ATP11B: variants seen among roughly 807,000 people sequenced by gnomAD.
The protein encoded by ATP11B is phospholipid-transporting ATPase IF.
Under a neutral mutation model 157.8 loss-of-function variants are expected in ATP11B, and 81 were observed. That is an observed-to-expected ratio of 0.51 (90% CI 0.43 to 0.62). The LOEUF (loss-of-function observed/expected upper bound fraction) is 0.62. Among genes scored for constraint, ATP11B ranks in the 20% least tolerant of loss-of-function variants. The pLI is 0.00. For missense variants in ATP11B, 1,165 were observed against 1,402.2 expected (o/e 0.83, Z 2.70); for synonymous variants, 451 against 469.4 (o/e 0.96, Z 0.51).
intron 1 of ATP11B, among the ~76,000 whole-genome samples, chr3:182,819,224 A>T (rs1324422604): frequency 6.6e-6 from 1 of 151,230 alleles, no homozygotes; most frequent in African/African-American, 2.4e-5. Flanking sequence ...GCCCGCCACC[A>T]CGCCCGGCTA....
chr3:182,860,810 T>A (rs1720773315), intron 12 of ATP11B, among the ~76,000 whole-genome samples: 1 of 152,190 alleles, frequency 6.6e-6, no homozygotes, highest in Non-Finnish European at 1.5e-5. Flanking sequence ...GATAGTTTTT[T>A]AAAATTGCCT....
chr3:182,854,401 C>T (rs976485989), intron 10 of ATP11B, among the ~76,000 whole-genome samples: 31 of 151,926 alleles, frequency 2.0e-4, no homozygotes, highest in Admixed American at 9.8e-4. Context: ...ACCCTGGAGG[C>T]GGAGGTTGTG....
intron 25 of ATP11B, among the ~76,000 whole-genome samples, chr3:182,893,445 G>A (rs1277117691): frequency 6.6e-6 from 1 of 152,054 alleles, no homozygotes; most frequent in Non-Finnish European, 1.5e-5. Flanking sequence ...AAGATGTTTG[G>A]TTTTCTATTC....
chr3:182,878,063 C>T (rs1193980664), intron 19 of ATP11B, among the ~76,000 whole-genome samples: 1 of 151,878 alleles, frequency 6.6e-6, no homozygotes, highest in East Asian at 1.9e-4. Context: ...AAAGTTTGGC[C>T]AATAGGGAAG....
At chr3:182,797,676 C>G (rs537201642) in intron 1 of ATP11B, among the ~76,000 whole-genome samples, 9 of 151,692 alleles carry the variant, frequency 5.9e-5, no homozygotes, top group Middle Eastern at 6.8e-3. Flanking sequence ...CCACTGGACT[C>G]TAGCCTGGGT....
intron 28 of ATP11B, chr3:182,902,489 C>T: frequency 7.8e-7 from 1 of 1,289,114 alleles, no homozygotes; most frequent in African/African-American, 1.5e-5. Context: ...AGATGTACTC[C>T]AACACAGTTG....
chr3:182,859,458 C>A (rs1720667546), intron 12 of ATP11B, 99 bp downstream of exon 12: 3 of 1,009,358 alleles, frequency 3.0e-6, no homozygotes, highest in South Asian at 2.4e-5. Context: ...GATGCTTATA[C>A]CAAAAACAAC....
In ATP11B at chr3:182,917,858, TAAATAG is replaced by T. The variant is rs920787330; in HGVS notation, c.3453-161_3453-156del. The T allele has an allele frequency of 4.4e-5, 43 of 981,396 alleles. No individual in the cohort carries two copies. In the African/African-American group the frequency reaches 7.4e-4, roughly 17 times the overall value. The allele number at this position is 981,396 out of a possible 1,614,324, so 60.8% of individuals were successfully genotyped here. A position where few individuals can be genotyped will look rare whatever the true frequency, so the allele number is the denominator to read the frequency against. ...ATTTTTCCCAAGTTTTTATATAATA[TAAATAG>T]AAAGTTTGGGCATTCGATACTAGTA... On this transcript the variant is annotated intron_variant, in intron 29 of 29. Coordinates refer to ENST00000323116, the MANE Select transcript of ATP11B (RefSeq NM_014616.3).
intron 28 of ATP11B, among the ~76,000 whole-genome samples, chr3:182,902,944 C>T (rs1724069585): frequency 6.6e-6 from 1 of 151,820 alleles, no homozygotes; most frequent in South Asian, 2.1e-4. Context: ...GAGAGTTGCC[C>T]ATTTTTTTTA....
intron 19 of ATP11B, among the ~76,000 whole-genome samples, chr3:182,875,530 CT>C (rs1402395458): frequency 2.6e-5 from 4 of 152,198 alleles, no homozygotes; most frequent in Admixed American, 2.6e-4. Flanking sequence ...CAACCTCCGC[CT>C]TCCGGGTTCA....
At chr3:182,831,427 C>T (rs145898027) in intron 4 of ATP11B, among the ~76,000 whole-genome samples, 1 of 152,132 alleles carries the variant, frequency 6.6e-6, no homozygotes, top group East Asian at 1.9e-4. Context: ...AGATTGATCT[C>T]TTAAAATCAG....
At position 182,920,829 on chromosome 3, in the gene ATP11B, T is replaced by C. The variant is rs2108603574; in HGVS notation, c.*2725T>C. ...GTTGAGAAAAGGGGAGAATTTATGG[T>C]CTGAATTTTCTAACTGTCCTCTTTC... On this transcript the variant is annotated 3_prime_UTR_variant, in exon 30 of 30. Transcript: ENST00000323116. The C allele has an allele frequency of 6.6e-6, 1 of 152,370 alleles. No homozygotes were observed. The highest frequency in any genetic ancestry group is 1.9e-4 in the East Asian group (1 of 5,180). The allele number at this position is 152,370 out of a possible 1,614,324, so 9.4% of individuals were successfully genotyped here. A position where few individuals can be genotyped will look rare whatever the true frequency, so the allele number is the denominator to read the frequency against.
At chr3:182,904,288 G>T (rs1321261965) in intron 28 of ATP11B, among the ~76,000 whole-genome samples, 1 of 152,128 alleles carries the variant, frequency 6.6e-6, no homozygotes, top group Non-Finnish European at 1.5e-5. Flanking sequence ...TCATAGAAGA[G>T]CAAAAAGAAG....
intron 29 of ATP11B, chr3:182,916,166 T>G: frequency 1.0e-6 from 1 of 985,338 alleles, no homozygotes; most frequent in South Asian, 4.7e-5. Flanking sequence ...CATAGAGTTC[T>G]CTTTTTGTTT....
At chr3:182,889,947 T>C (rs1723066552) in intron 25 of ATP11B, among the ~76,000 whole-genome samples, 1 of 152,234 alleles carries the variant, frequency 6.6e-6, no homozygotes, top group Admixed American at 6.5e-5. Flanking sequence ...AGAGGTATTA[T>C]TACTCCCATT....
At chr3:182,837,537 T>C (rs191457180) in intron 7 of ATP11B, among the ~76,000 whole-genome samples, 1 of 152,218 alleles carries the variant, frequency 6.6e-6, no homozygotes, top group Non-Finnish European at 1.5e-5. Flanking sequence ...GACTATGTCT[T>C]TGTTTTTACC....
In ATP11B at chr3:182,859,263, A is replaced by G. The variant is rs1487324548; in HGVS notation, c.1104A>G (p.Gly368=). The change falls in exon 12 of 30, where the codon GGA becomes GGG. Residue 368 remains glycine (G), a synonymous_variant. Transcript: ENST00000323116. The part of the protein sequence containing the change: ...YVTVEMQKFL[G]SFFIGWDLDL... Reference sequence around the variant, plus strand: ...CAGTCGAAATGCAGAAATTTCTTGGATCATTTTTTATTGGCTGGGATCTTG... The same window carrying G: ...CAGTCGAAATGCAGAAATTTCTTGGGTCATTTTTTATTGGCTGGGATCTTG... 1.2e-6 allele frequency: 2 copies of G among 1,612,328 alleles called. No individual in the cohort carries two copies. The highest frequency in any genetic ancestry group is 8.5e-7 in the Non-Finnish European group (1 of 1,179,048).
rs1719710530 is a variant in ATP11B, at chr3:182,848,459, T to A, written c.770-17T>A. The A allele has an allele frequency of 7.1e-7, 1 of 1,417,102 alleles. No homozygotes were observed. The highest frequency in any genetic ancestry group is 1.5e-5 in the African/African-American group (1 of 68,834). The allele number at this position is 1,417,102 out of a possible 1,614,324, so 87.8% of individuals were successfully genotyped here. A position where few individuals can be genotyped will look rare whatever the true frequency, so the allele number is the denominator to read the frequency against. On this transcript the variant is annotated splice_polypyrimidine_tract_variant and intron_variant, in intron 9 of 29. Transcript: ENST00000323116. ...CTAGAGGATTATTTTAAGAGACAAT[T>A]TTGTTTTATTTTACAGGTGTTGCGG... is the stretch of plus-strand genomic sequence containing the variant.
chr3:182,896,852 C>T (rs1035721699), intron 26 of ATP11B, 87 bp downstream of exon 26: 40 of 891,884 alleles, frequency 4.5e-5, no homozygotes, highest in African/African-American at 5.1e-5. Context: ...GCCATAGATA[C>T]TTTCCCTTTT....
Sources: gnomAD v4.1 joint callset for allele counts (sites outside exome capture counted in the v4.1 genomes callset) on GRCh38, gnomAD v4.1.1 for gene constraint, MANE v1.5 for transcripts, NCBI Gene and HGNC (gene_info 2026-07-23, HGNC 2026-07-21) for gene names.